Variants in VPS35L observed in about 807,000 individuals in gnomAD.
VPS35L encodes the protein VPS35 endosomal protein-sorting factor-like.
In VPS35L, 83 loss-of-function variants were observed where a neutral mutation model predicts 133.0. The ratio of observed to expected loss-of-function variants is 0.62; its 90% CI spans 0.52 to 0.75. The LOEUF is 0.75. Among genes scored for constraint, VPS35L ranks in the 30% least tolerant of loss-of-function variants. The pLI, the probability that VPS35L is intolerant of heterozygous loss-of-function variation, is 0.00. For missense variants in VPS35L, 1,083 were observed against 1,206.8 expected, an observed-to-expected ratio of 0.90 and a Z score of 1.52; for synonymous variants, 423 against 449.9, an observed-to-expected ratio of 0.94 and a Z score of 0.76.
At chr16:19,556,721 A>G (rs984526469) in intron 1 of VPS35L, among the ~76,000 whole-genome samples, 1 of 151,936 alleles carries the variant, frequency 6.6e-6, no homozygotes, top group African/African-American at 2.4e-5. Context: ...ATTTTGTCTT[A>G]TTCCTTTCAT....
chr16:19,619,499 T>C (rs1318897090), intron 14 of VPS35L, among the ~76,000 whole-genome samples: 1 of 152,138 alleles, frequency 6.6e-6, no homozygotes, highest in African/African-American at 2.4e-5. Context: ...TCGACTGTTT[T>C]CTTGGTATTC....
chr16:19,617,182 T>G, intron 14 of VPS35L: 1 of 526,956 alleles, frequency 1.9e-6, no homozygotes, highest in Non-Finnish European at 3.4e-6. Flanking sequence ...ATAGCAAAAC[T>G]CCATCTCTAC....
At chr16:19,582,387 A>G (rs1251157972) in intron 7 of VPS35L, among the ~76,000 whole-genome samples, 1 of 152,228 alleles carries the variant, frequency 6.6e-6, no homozygotes, top group African/African-American at 2.4e-5. Context: ...ATTCCATGTT[A>G]TGATAATGTG....
intron 24 of VPS35L, among the ~76,000 whole-genome samples, chr16:19,648,388 T>C (rs972230280): frequency 2.0e-5 from 3 of 152,170 alleles, no homozygotes; most frequent in African/African-American, 7.2e-5. Context: ...AGATTTGCAT[T>C]TTCCCATTTC....
In VPS35L at chr16:19,633,617, A is replaced by C. The variant is rs1340050534; in HGVS notation, c.1635+445A>C. On this transcript the variant is annotated intron_variant, in intron 19 of 30. Transcript: ENST00000417362. This position sits in a 1 kb window ranked among gnomAD's most constrained non-coding sequence, Gnocchi z 4.1. ...GCACAGCCTCGACTTCCTGGGCTTA[A>C]GCATAATTTTTTTATGTGGAAATAA... 1.3e-5 allele frequency among the ~76,000 whole-genome samples: 2 copies of C among 151,636 alleles called. No individual in the cohort carries two copies. The highest frequency in any genetic ancestry group is 4.8e-5 in the African/African-American group (2 of 41,262).
intron 3 of VPS35L, 106 bp from the exon 4 acceptor site, chr16:19,573,013 C>T (rs1248796750): frequency 1.6e-6 from 2 of 1,267,526 alleles, no homozygotes; most frequent in African/African-American, 1.5e-5. Context: ...TGAGACAAAT[C>T]TCTTTTATTC....
chr16:19,623,257 T>C (rs1290503344), intron 14 of VPS35L, among the ~76,000 whole-genome samples: 3 of 152,158 alleles, frequency 2.0e-5, no homozygotes, highest in Non-Finnish European at 4.4e-5. Context: ...CTCATAGTTC[T>C]GAAGGCTAGG....
intron 14 of VPS35L, among the ~76,000 whole-genome samples, chr16:19,623,546 A>C (rs978541660): frequency 6.6e-6 from 1 of 151,996 alleles, no homozygotes; most frequent in Non-Finnish European, 1.5e-5. Flanking sequence ...AGTTTATGTG[A>C]GGCATAGATG....
rs73537534 is a variant in VPS35L at position 19,640,792 on chromosome 16, C to G, written c.1784+692C>G. ...ACAAGTTCTCACTTTGTCATCTAGC[C>G]TGGAGTGCAGTGGCACAATTACGGT... On this transcript the variant is annotated intron_variant, in intron 21 of 30. Coordinates refer to ENST00000417362, the MANE Select transcript of VPS35L (RefSeq NM_020314.7). 4.0e-3 allele frequency among the ~76,000 whole-genome samples: 612 copies of G among 152,292 alleles called. 5 individuals are homozygous for G. Among genetic ancestry groups the G allele is most frequent in the African/African-American group, 0.014 (596 of 41,554 alleles).
At chr16:19,640,164 A>G in intron 21 of VPS35L, 64 bp downstream of exon 21, 1 of 1,488,294 alleles carries the variant, frequency 6.7e-7, no homozygotes, top group Middle Eastern at 1.7e-4. Flanking sequence ...CTGTTGATAA[A>G]AAATCAGTTC....
intron 9 of VPS35L, among the ~76,000 whole-genome samples, chr16:19,604,156 TA>T (rs202170774): frequency 1.3e-5 from 2 of 150,034 alleles, no homozygotes. Flanking sequence ...CAACAGCATT[TA>T]AAAAAAAATG....
chr16:19,602,400 C>T (rs1008046043), intron 9 of VPS35L, among the ~76,000 whole-genome samples: 3 of 152,038 alleles, frequency 2.0e-5, no homozygotes, highest in Admixed American at 6.6e-5. Flanking sequence ...CACTTCCCTC[C>T]GCTCCTGCAG....
intron 27 of VPS35L, among the ~76,000 whole-genome samples, chr16:19,679,134 TG>T (rs910975859): frequency 7.5e-4 from 1 of 1,332 alleles, no homozygotes; most frequent in Non-Finnish European, 1.4e-3. Flanking sequence ...AAAAGAAGGC[TG>T]GGGGGGCGGG....
chr16:19,605,092 C>T (rs1056547820), intron 9 of VPS35L, among the ~76,000 whole-genome samples: 16 of 152,166 alleles, frequency 1.1e-4, no homozygotes, highest in Non-Finnish European at 7.4e-5. Flanking sequence ...CTGACCTGGC[C>T]TTTCCAGCAC....
chr16:19,676,593 G>T (rs1426977706), intron 27 of VPS35L, among the ~76,000 whole-genome samples: 1 of 152,084 alleles, frequency 6.6e-6, no homozygotes, highest in Non-Finnish European at 1.5e-5. Context: ...TGCAAGAAAT[G>T]GAAATGCTAC....
intron 9 of VPS35L, among the ~76,000 whole-genome samples, chr16:19,602,851 G>T (rs924107069): frequency 9.2e-5 from 14 of 151,630 alleles, no homozygotes; most frequent in Non-Finnish European, 1.9e-4. Context: ...TGATTCATCC[G>T]CCTCGGCCTC....
At chr16:19,689,903 C>A (rs183066058) in intron 28 of VPS35L, among the ~76,000 whole-genome samples, 1 of 152,054 alleles carries the variant, frequency 6.6e-6, no homozygotes, top group Admixed American at 6.6e-5. Context: ...AAAAATAGCA[C>A]GAAGATTTAT....
rs567874630 is a variant in VPS35L at position 19,557,680 on chromosome 16, G to A, written c.17+1934G>A. Among the ~76,000 whole-genome samples, 4 of 152,132 alleles carry A rather than the reference G, an allele frequency of 2.6e-5. No individual in the cohort carries two copies. The East Asian group carries it at 7.8e-4, about 30-fold the overall frequency. ...TTACAGGCGTGAGCTACCACACCCGGCCCGTGCTCTGAACATTTCCTTTTG... is the reference window on the plus strand; with the variant it reads ...TTACAGGCGTGAGCTACCACACCCGACCCGTGCTCTGAACATTTCCTTTTG... On this transcript the variant is annotated intron_variant, in intron 1 of 30. Coordinates refer to ENST00000417362, the MANE Select transcript of VPS35L (RefSeq NM_020314.7).
At chr16:19,688,664 G>A (rs1567489911) in intron 28 of VPS35L, among the ~76,000 whole-genome samples, 2 of 152,192 alleles carry the variant, frequency 1.3e-5, no homozygotes, top group Non-Finnish European at 1.5e-5. Flanking sequence ...TTAGCCTGGG[G>A]GTTCAGATGC....
Sources: allele counts gnomAD v4.1 joint callset (sites outside exome capture counted in the v4.1 genomes callset), GRCh38; gene constraint gnomAD v4.1.1; non-coding constraint Gnocchi (gnomAD v3.1); transcripts MANE v1.5; gene names NCBI Gene and HGNC (gene_info 2026-07-23, HGNC 2026-07-21).